UNC5B: variants seen among roughly 807,000 people sequenced by gnomAD.
UNC5B encodes unc-5 netrin receptor B.
A neutral mutation model predicts 103.7 loss-of-function variants in UNC5B; 56 were observed. The ratio of observed to expected loss-of-function variants is 0.54; its 90% CI spans 0.44 to 0.67. The LOEUF (loss-of-function observed/expected upper bound fraction) is 0.67, where lower values mean the gene tolerates loss of function less well. Among genes scored for constraint, UNC5B ranks in the 30% least tolerant of loss-of-function variants. The pLI, the probability that UNC5B is intolerant of heterozygous loss-of-function variation, is 0.00. For missense variants in UNC5B, 1,194 were observed against 1,284.5 expected (o/e 0.93, Z 1.08); for synonymous variants, 577 against 542.0 (o/e 1.06, Z -0.90).
intron 5 of UNC5B, among the ~76,000 whole-genome samples, 176 bp from the exon 6 acceptor site, chr10:71,287,422 G>A (rs1439789783): frequency 2.6e-5 from 4 of 152,202 alleles, no homozygotes; most frequent in African/African-American, 9.6e-5. Context: ...CTCTGGTGCT[G>A]ACGGTTACAG....
intron 1 of UNC5B, among the ~76,000 whole-genome samples, chr10:71,224,369 A>AGG (rs1564705417): frequency 3.6e-5 from 3 of 83,596 alleles, no homozygotes; most frequent in Non-Finnish European, 6.9e-5. Flanking sequence ...ATGTAGACAC[A>AGG]CACACACACA....
In UNC5B at chr10:71,267,251, G is replaced by A. The variant is rs542831131; in HGVS notation, c.80-12570G>A. 5.9e-5 allele frequency among the ~76,000 whole-genome samples: 9 copies of A among 152,334 alleles called. No individual in the cohort carries two copies. The South Asian group carries it at 1.9e-3, about 32-fold the overall frequency. On this transcript the variant is annotated intron_variant, in intron 1 of 16. Coordinates refer to ENST00000335350, the MANE Select transcript of UNC5B (RefSeq NM_170744.5). ...AAGGAAAATTGAGGCCCAGAGGGAA[G>A]TGGCTGCCCAGGGGTTGTCTTGTGA...
chr10:71,216,212 C>T (rs1843326928), intron 1 of UNC5B, among the ~76,000 whole-genome samples: 1 of 152,226 alleles, frequency 6.6e-6, no homozygotes, highest in Non-Finnish European at 1.5e-5. Flanking sequence ...CTAGCTCCTT[C>T]ATTCCATCTG....
chr10:71,244,227 C>T (rs1564713725), intron 1 of UNC5B, among the ~76,000 whole-genome samples: 1 of 152,252 alleles, frequency 6.6e-6, no homozygotes, highest in Non-Finnish European at 1.5e-5. Context: ...CAGGCATAAT[C>T]AGCATGAGAC....
chr10:71,279,132 T>C (rs1183771814), intron 1 of UNC5B, among the ~76,000 whole-genome samples: 2 of 151,168 alleles, frequency 1.3e-5, no homozygotes, highest in Non-Finnish European at 2.9e-5. Flanking sequence ...CTGGCTGGGG[T>C]GGGGGTTGGG....
chr10:71,287,617 C>T lies in UNC5B; in HGVS notation c.753C>T (p.Ser251=). Residue 251 remains serine (S), a synonymous_variant, in exon 6 of 17, where the codon AGC becomes AGT. Coordinates refer to ENST00000335350, the MANE Select transcript of UNC5B (RefSeq NM_170744.5). ...VIVYVNGGWS[S]WAEWSPCSNR... ...TTGCAGTGAATGGCGGCTGGTCCAG[C>T]TGGGCAGAGTGGTCACCCTGCTCCA... is the stretch of plus-strand genomic sequence containing the variant. The T allele has an allele frequency of 1.2e-6, 2 of 1,601,946 alleles. No individual in the cohort carries two copies. Among genetic ancestry groups the T allele is most frequent in the Middle Eastern group, 1.8e-4 (1 of 5,524 alleles).
chr10:71,246,661 A>G (rs2132265373), intron 1 of UNC5B, among the ~76,000 whole-genome samples: 1 of 152,254 alleles, frequency 6.6e-6, no homozygotes, highest in African/African-American at 2.4e-5. Flanking sequence ...GAAAGGAGGA[A>G]GGATGAACAA....
At position 71,299,992 on chromosome 10, in the gene UNC5B, T is replaced by C. The variant is rs1187390348; in HGVS notation, c.*715T>C. On this transcript the variant is annotated 3_prime_UTR_variant, in exon 17 of 17. Transcript: ENST00000335350. ...CTCTTTTCTTGAGTGTGGATGAGAA[T>C]GGGCACGCTCACACTTCTGGCCAGG... 6.6e-6 allele frequency: 1 copy of C among 151,658 alleles called. No individual in the cohort carries two copies. The highest frequency in any genetic ancestry group is 2.4e-5 in the African/African-American group (1 of 41,180). The allele number at this position is 151,658 out of a possible 1,614,324, so 9.4% of individuals were successfully genotyped here. A position where few individuals can be genotyped will look rare whatever the true frequency, so the allele number is the denominator to read the frequency against.
At chr10:71,228,947 T>G (rs942562269) in intron 1 of UNC5B, among the ~76,000 whole-genome samples, 3 of 152,162 alleles carry the variant, frequency 2.0e-5, no homozygotes, top group African/African-American at 7.2e-5. Flanking sequence ...TCGGTGCTCC[T>G]TCCATGAGCC....
intron 2 of UNC5B, among the ~76,000 whole-genome samples, chr10:71,283,630 T>C (rs948165952): frequency 3.3e-5 from 5 of 152,202 alleles, no homozygotes; most frequent in Admixed American, 3.3e-4. Flanking sequence ...GGAGGCTTCC[T>C]GGAGGAGGAA....
intron 1 of UNC5B, among the ~76,000 whole-genome samples, chr10:71,272,599 CT>C (rs1220804470): frequency 6.6e-6 from 1 of 152,240 alleles, no homozygotes; most frequent in Non-Finnish European, 1.5e-5. Flanking sequence ...TCTGGGCCCC[CT>C]GTCCCTCCTC....
intron 1 of UNC5B, among the ~76,000 whole-genome samples, chr10:71,269,856 G>A (rs1844603840): frequency 6.6e-6 from 1 of 152,190 alleles, no homozygotes; most frequent in African/African-American, 2.4e-5. Flanking sequence ...ATTTTCACTG[G>A]GTGGTCAGGG....
intron 1 of UNC5B, among the ~76,000 whole-genome samples, chr10:71,270,324 G>T (rs1844612642): frequency 7.5e-6 from 1 of 134,066 alleles, no homozygotes; most frequent in Non-Finnish European, 1.6e-5. Context: ...CTGGGTGACA[G>T]AATGAGACTC....
rs544436626 is a variant in UNC5B, at chr10:71,242,795, A to G, written c.79+29731A>G. Among the ~76,000 whole-genome samples, 3 of 152,136 alleles carry G rather than the reference A, an allele frequency of 2.0e-5. No homozygotes were observed. The East Asian group carries it at 5.8e-4, about 30-fold the overall frequency. On this transcript the variant is annotated intron_variant, in intron 1 of 16. Coordinates refer to ENST00000335350, the MANE Select transcript of UNC5B (RefSeq NM_170744.5). ...CACACGTGTTGGAGGTGTCTTTATG[A>G]TGCCTGGGTGAGGGAGACGGGGCCA... is the stretch of plus-strand genomic sequence containing the variant.
At chr10:71,298,841 C>T (rs530831202) in intron 16 of UNC5B, among the ~76,000 whole-genome samples, 12 of 152,274 alleles carry the variant, frequency 7.9e-5, no homozygotes, top group South Asian at 4.1e-4. Flanking sequence ...CTAGAGACAA[C>T]GCTAGACCCT....
intron 6 of UNC5B, among the ~76,000 whole-genome samples, 178 bp from the exon 7 acceptor site, chr10:71,288,390 G>GC (rs1845149090): frequency 1.3e-5 from 2 of 152,196 alleles, no homozygotes; most frequent in African/African-American, 4.8e-5. Context: ...CATTGGCATG[G>GC]GGTTATGTGG....
rs1357581675 is a variant in UNC5B, at chr10:71,295,844, T to C, written c.2209T>C (p.Tyr737His). The change falls in exon 14 of 17, where the codon TAC becomes CAC. Residue 737 changes from tyrosine to histidine, a missense_variant. Coordinates refer to ENST00000335350, the MANE Select transcript of UNC5B (RefSeq NM_170744.5). ...VLELERTLGG[Y>H]LVEEPKPLMF... is the part of the protein sequence containing the mutation. ...GGAGCTGGAGCGGACTCTGGGCGGA[T>C]ACTTGGTGGAGGAGCCGAAACCGCT... 2 of 1,612,746 alleles carry C rather than the reference T, an allele frequency of 1.2e-6. No individual in the cohort carries two copies. Among genetic ancestry groups the C allele is most frequent in the South Asian group, 1.1e-5 (1 of 91,036 alleles).
At chr10:71,225,695 T>C (rs959864330) in intron 1 of UNC5B, among the ~76,000 whole-genome samples, 55 of 152,238 alleles carry the variant, frequency 3.6e-4, no homozygotes, top group African/African-American at 1.2e-3. Flanking sequence ...CTCTGCATTT[T>C]GTTCCCTCCC....
chr10:71,223,049 G>A (rs1264831563), intron 1 of UNC5B, among the ~76,000 whole-genome samples: 2 of 152,226 alleles, frequency 1.3e-5, no homozygotes, highest in Non-Finnish European at 2.9e-5. Flanking sequence ...GTGGTGGGAT[G>A]GGAGTCTGTC....
Sources: gnomAD v4.1 joint callset for allele counts (sites outside exome capture counted in the v4.1 genomes callset) on GRCh38, gnomAD v4.1.1 for gene constraint, MANE v1.5 for transcripts, NCBI Gene and HGNC (gene_info 2026-07-23, HGNC 2026-07-21) for gene names.